Variants in CEMIP observed in about 807,000 individuals in gnomAD.
CEMIP encodes the protein cell migration inducing hyaluronidase 1.
In CEMIP, 105 loss-of-function variants were observed where a neutral mutation model predicts 156.9. The observed-to-expected ratio is 0.67, with a 90% CI of 0.57 to 0.79. The LOEUF is 0.79. CEMIP is among the 30% of genes least tolerant of loss of function. The pLI is 0.00. For synonymous variants in CEMIP, 676 were observed against 668.4 expected (o/e 1.01, Z -0.17); for missense variants, 1,457 against 1,769.4 (o/e 0.82, Z 3.17).
intron 1 of CEMIP, among the ~76,000 whole-genome samples, chr15:80,830,914 T>A (rs1897142590): frequency 6.6e-6 from 1 of 152,182 alleles, no homozygotes. Context: ...TATCTGCTTG[T>A]ATCCATTAAG....
At chr15:80,909,764 A>G in intron 14 of CEMIP, 1 of 386,350 alleles carries the variant, frequency 2.6e-6, no homozygotes, top group Non-Finnish European at 5.2e-6. Flanking sequence ...TGCTGGGAGA[A>G]ATACTCTCAT....
chr15:80,895,165 G>A (rs746186248), intron 11 of CEMIP, 43 bp downstream of exon 11: 48 of 1,613,248 alleles, frequency 3.0e-5, no homozygotes, highest in Non-Finnish European at 3.6e-5. Context: ...ACTATGGCTC[G>A]GTTCCTTGAA....
intron 1 of CEMIP, among the ~76,000 whole-genome samples, chr15:80,870,621 TGAG>T (rs1412876717): frequency 6.6e-6 from 1 of 151,990 alleles, no homozygotes; most frequent in African/African-American, 2.4e-5. Flanking sequence ...GCAATGGCAG[TGAG>T]GAGAAGCAGA....
chr15:80,909,631 C>T (rs1337065377), intron 14 of CEMIP: 1 of 478,416 alleles, frequency 2.1e-6, no homozygotes, highest in Non-Finnish European at 4.1e-6. Context: ...GACAGCTCTG[C>T]TAACTGCAGA....
chr15:80,843,379 TATCAGTCA>T (rs950148920), intron 1 of CEMIP, among the ~76,000 whole-genome samples: 1 of 152,218 alleles, frequency 6.6e-6, no homozygotes, highest in Non-Finnish European at 1.5e-5. Context: ...GCTTTGAATA[TATCAGTCA>T]AGAAGACCTG....
intron 1 of CEMIP, among the ~76,000 whole-genome samples, chr15:80,816,460 C>A (rs1039609091): frequency 2.6e-5 from 4 of 152,136 alleles, no homozygotes; most frequent in African/African-American, 9.7e-5. Context: ...GATCTTATCA[C>A]CTCTCCTCTC....
chr15:80,896,365 G>C (rs1405541138), intron 12 of CEMIP: 1 of 536,332 alleles, frequency 1.9e-6, no homozygotes, highest in South Asian at 1.5e-5. Flanking sequence ...CAAACTCCTA[G>C]TGGTGAGCAG....
At chr15:80,838,505 G>A (rs1016172138) in intron 1 of CEMIP, among the ~76,000 whole-genome samples, 1 of 152,096 alleles carries the variant, frequency 6.6e-6, no homozygotes, top group Non-Finnish European at 1.5e-5. Flanking sequence ...TGAGTGCAAT[G>A]CCACCACCCA....
chr15:80,948,667 G>A (rs2141766604), intron 29 of CEMIP, 130 bp from the exon 30 acceptor site: 1 of 1,209,058 alleles, frequency 8.3e-7, no homozygotes, highest in East Asian at 2.3e-5. Context: ...CTTCCCAAGG[G>A]GCCACAGTGC....
chr15:80,859,457 A>G (rs1165101084), intron 1 of CEMIP, among the ~76,000 whole-genome samples: 1 of 152,224 alleles, frequency 6.6e-6, no homozygotes. Flanking sequence ...CTTGCTGGCA[A>G]TGATGCCCTA....
chr15:80,856,202 G>C (rs1897849069), intron 1 of CEMIP, among the ~76,000 whole-genome samples: 1 of 152,190 alleles, frequency 6.6e-6, no homozygotes, highest in African/African-American at 2.4e-5. Flanking sequence ...GGGTTTCAGA[G>C]ACATATGCAT....
At chr15:80,824,811 G>GGTGC (rs1896993841) in intron 1 of CEMIP, among the ~76,000 whole-genome samples, 1 of 152,224 alleles carries the variant, frequency 6.6e-6, no homozygotes, top group East Asian at 1.9e-4. Context: ...AGGTAGGGTG[G>GGTGC]GTGCTTATGT....
intron 6 of CEMIP, among the ~76,000 whole-genome samples, chr15:80,882,113 C>G (rs992049877): frequency 6.6e-6 from 1 of 152,166 alleles, no homozygotes; most frequent in African/African-American, 2.4e-5. Context: ...GTGGGTGTCA[C>G]CATGAAGGCA....
At chr15:80,930,360 G>A (rs115587048) in intron 21 of CEMIP, among the ~76,000 whole-genome samples, 1,802 of 152,246 alleles carry the variant, frequency 0.012, 30 homozygotes, top group African/African-American at 0.041. Flanking sequence ...CCAGCCTCCC[G>A]GGGCCAGAAT....
chr15:80,829,990 G>GTGTT lies in CEMIP; in HGVS notation c.-175-43545_-175-43544insTTGT, dbSNP rs1555428888. Among the ~76,000 whole-genome samples, 182 of 149,238 alleles carry GTGTT rather than the reference G, an allele frequency of 1.2e-3. 2 individuals are homozygous for GTGTT. The highest frequency in any genetic ancestry group is 3.3e-3 in the African/African-American group (132 of 40,048). Reference sequence around the variant, plus strand: ...GGTGTGTGTGTGTGTGTGTGTGTGTGTGTGTGTGTGTGCGCGCATGTCCTT... The same window carrying GTGTT: ...GGTGTGTGTGTGTGTGTGTGTGTGTGTGTTTGTGTGTGTGTGCGCGCATGTCCTT... On this transcript the variant is annotated intron_variant, in intron 1 of 29. Coordinates refer to ENST00000394685, the MANE Select transcript of CEMIP (RefSeq NM_001293298.2).
intron 19 of CEMIP, among the ~76,000 whole-genome samples, chr15:80,928,216 G>GGTCTGT (rs1236490826): frequency 6.6e-6 from 1 of 152,004 alleles, no homozygotes; most frequent in East Asian, 1.9e-4. Context: ...TTGGCCCTAG[G>GGTCTGT]GTCTGTGGTA....
intron 19 of CEMIP, among the ~76,000 whole-genome samples, chr15:80,926,557 C>G (rs1900676734): frequency 1.3e-5 from 2 of 151,686 alleles, no homozygotes; most frequent in South Asian, 4.2e-4. Flanking sequence ...ACAGCATTGA[C>G]AGAGAGAGCA....
chr15:80,879,045 G>A (rs566924761), intron 4 of CEMIP, among the ~76,000 whole-genome samples, 178 bp downstream of exon 4: 1 of 152,270 alleles, frequency 6.6e-6, no homozygotes, highest in African/African-American at 2.4e-5. Context: ...ATGGCTTGTC[G>A]GAGGTCCAAT....
chr15:80,904,776 A>G (rs1284856829), intron 12 of CEMIP, among the ~76,000 whole-genome samples: 3 of 152,150 alleles, frequency 2.0e-5, no homozygotes, highest in African/African-American at 7.2e-5. Flanking sequence ...CCCTGTTGAC[A>G]CCTTGATTTA....
Sources: allele counts gnomAD v4.1 joint callset (sites outside exome capture counted in the v4.1 genomes callset), GRCh38; gene constraint gnomAD v4.1.1; transcripts MANE v1.5; gene names NCBI Gene and HGNC (gene_info 2026-07-23, HGNC 2026-07-21).